Variants in REC114 observed in about 807,000 individuals in gnomAD.
REC114 encodes the protein REC114 meiotic recombination protein, also known as meiotic recombination protein REC114.
Under a neutral mutation model 31.3 loss-of-function variants are expected in REC114, and 27 were observed. That is an observed-to-expected ratio of 0.86 (90% CI 0.64 to 1.19). REC114 has a LOEUF of 1.19. REC114 is among the 50% of genes most tolerant of loss of function. REC114 has a pLI of 0.00. For synonymous variants in REC114, 134 were observed against 127.7 expected (o/e 1.05, Z -0.33); for missense variants, 344 against 326.9 (o/e 1.05, Z -0.40).
At position 73,539,282 on chromosome 15, in the gene REC114, A is replaced by ATTTTT. The variant is rs753968018; in HGVS notation, c.250-1181_250-1177dup. Among the ~76,000 whole-genome samples the ATTTTT allele has an allele frequency of 3.5e-3, 251 of 70,820 alleles. 36 individuals carry two copies. The highest frequency in any genetic ancestry group is 0.02 in the Middle Eastern group (2 of 100). 46.5% of individuals were successfully genotyped at this position (70,820 alleles called of 152,430 possible). A position where few individuals can be genotyped will look rare whatever the true frequency, so the allele number is the denominator to read the frequency against. On this transcript the variant is annotated intron_variant, in intron 2 of 5. Coordinates refer to ENST00000331090, the MANE Select transcript of REC114 (RefSeq NM_001042367.2). ...GCTTAGAGGTAGCATTTCAGAACTGATTTTTTTTTTTTTTTTTTTTTTTTT... is the reference window on the plus strand; with the variant it reads ...GCTTAGAGGTAGCATTTCAGAACTGATTTTTTTTTTTTTTTTTTTTTTTTTTTTTT...
intron 1 of REC114, among the ~76,000 whole-genome samples, chr15:73,453,284 C>A (rs1406121299): frequency 2.0e-5 from 3 of 152,088 alleles, no homozygotes; most frequent in African/African-American, 7.2e-5. Context: ...AACAAATTTA[C>A]AAGAAAAAGT....
intron 5 of REC114, among the ~76,000 whole-genome samples, chr15:73,558,961 T>TA (rs1200905631): frequency 6.6e-6 from 1 of 152,230 alleles, no homozygotes; most frequent in Non-Finnish European, 1.5e-5. Context: ...TAATACTTAT[T>TA]CAGCAATAAA....
intron 2 of REC114, among the ~76,000 whole-genome samples, chr15:73,535,757 A>C (rs1318341501): frequency 1.3e-5 from 2 of 149,022 alleles, no homozygotes; most frequent in Non-Finnish European, 3.0e-5. Context: ...GAGGCATCAC[A>C]CTACCTGACT....
chr15:73,509,866 C>T (rs1227370900), intron 2 of REC114, among the ~76,000 whole-genome samples: 3 of 151,904 alleles, frequency 2.0e-5, no homozygotes, highest in Admixed American at 6.6e-5. Context: ...AGTTTGAAGT[C>T]AGGTAGTGTG....
At chr15:73,505,720 GAC>G (rs951053864) in intron 2 of REC114, among the ~76,000 whole-genome samples, 15 of 152,246 alleles carry the variant, frequency 9.9e-5, no homozygotes, top group Admixed American at 9.8e-4. Context: ...TTTTAGTAGA[GAC>G]AGGATTTCAC....
chr15:73,513,679 T>A (rs1893810148), intron 2 of REC114, among the ~76,000 whole-genome samples: 1 of 152,150 alleles, frequency 6.6e-6, no homozygotes, highest in Admixed American at 6.5e-5. Context: ...GACCCTCAGC[T>A]GCAGGTCTGT....
chr15:73,479,017 C>T (rs1276678100), intron 2 of REC114, among the ~76,000 whole-genome samples: 1 of 152,054 alleles, frequency 6.6e-6, no homozygotes, highest in African/African-American at 2.4e-5. Context: ...TACATTCTTC[C>T]TTTCAATCTG....
chr15:73,477,973 G>A (rs1437501434), intron 2 of REC114, among the ~76,000 whole-genome samples: 1 of 152,038 alleles, frequency 6.6e-6, no homozygotes, highest in Non-Finnish European at 1.5e-5. Context: ...TTAAGAATTT[G>A]GGTTTATTGG....
chr15:73,447,115 T>C (rs1892775395), intron 1 of REC114, among the ~76,000 whole-genome samples: 1 of 151,846 alleles, frequency 6.6e-6, no homozygotes, highest in Non-Finnish European at 1.5e-5. Context: ...AGCAACTGAG[T>C]AGATGGTTGA....
intron 3 of REC114, among the ~76,000 whole-genome samples, chr15:73,543,731 G>GT (rs913299326): frequency 1.1e-4 from 16 of 152,054 alleles, no homozygotes; most frequent in African/African-American, 3.6e-4. Context: ...TTTATTAACT[G>GT]TTTTTTAATT....
chr15:73,465,604 T>C (rs1245914235), intron 1 of REC114, among the ~76,000 whole-genome samples: 1 of 152,210 alleles, frequency 6.6e-6, no homozygotes, highest in East Asian at 1.9e-4. Flanking sequence ...TTTTATTTGC[T>C]ATGTTCAGTG....
At chr15:73,500,828 A>C (rs1162551909) in intron 2 of REC114, among the ~76,000 whole-genome samples, 1 of 150,760 alleles carries the variant, frequency 6.6e-6, no homozygotes, top group Non-Finnish European at 1.5e-5. Context: ...CCCTCCTCTG[A>C]ACTCTGATGA....
intron 3 of REC114, among the ~76,000 whole-genome samples, chr15:73,545,451 T>C (rs958400639): frequency 1.3e-5 from 2 of 152,222 alleles, no homozygotes; most frequent in Admixed American, 1.3e-4. Context: ...TGGTAACCTA[T>C]GGCATTGAGG....
chr15:73,460,442 C>A (rs962002966), intron 1 of REC114, among the ~76,000 whole-genome samples: 1 of 152,122 alleles, frequency 6.6e-6, no homozygotes, highest in Non-Finnish European at 1.5e-5. Flanking sequence ...GCTCAAGTAC[C>A]TGCTTATTTC....
chr15:73,549,602 A>G (rs1009655631), intron 3 of REC114, among the ~76,000 whole-genome samples: 1 of 152,134 alleles, frequency 6.6e-6, no homozygotes, highest in African/African-American at 2.4e-5. Flanking sequence ...AAATATATAC[A>G]CACCTATGTA....
At chr15:73,543,185 C>T (rs1894262980) in intron 3 of REC114, among the ~76,000 whole-genome samples, 1 of 152,040 alleles carries the variant, frequency 6.6e-6, no homozygotes, top group South Asian at 2.1e-4. Context: ...TGTTAATCAC[C>T]TGCTTCTTTT....
intron 2 of REC114, among the ~76,000 whole-genome samples, chr15:73,475,534 C>A (rs1022270047): frequency 6.6e-6 from 1 of 151,848 alleles, no homozygotes; most frequent in African/African-American, 2.4e-5. Flanking sequence ...TTTTAAAATA[C>A]AATGATTTTA....
At chr15:73,558,007 T>C (rs924638714) in intron 5 of REC114, among the ~76,000 whole-genome samples, 6 of 152,184 alleles carry the variant, frequency 3.9e-5, no homozygotes, top group Admixed American at 3.3e-4. Context: ...GGATATTAAG[T>C]GAGGTATAAC....
intron 2 of REC114, among the ~76,000 whole-genome samples, chr15:73,515,734 C>A (rs1378361886): frequency 6.6e-6 from 1 of 152,188 alleles, no homozygotes; most frequent in African/African-American, 2.4e-5. Context: ...AGGAAGCAAG[C>A]CGTCACCAGA....
Sources: gnomAD v4.1 joint callset for allele counts (sites outside exome capture counted in the v4.1 genomes callset) on GRCh38, gnomAD v4.1.1 for gene constraint, MANE v1.5 for transcripts, NCBI Gene and HGNC (gene_info 2026-07-23, HGNC 2026-07-21) for gene names.